Variants in COQ10B observed in about 807,000 individuals in gnomAD.
The protein encoded by COQ10B is coenzyme Q-binding protein COQ10 homolog B, mitochondrial.
COQ10B carries 12 observed loss-of-function variants against 27.6 expected under a neutral mutation model. The observed-to-expected ratio is 0.43, with a 90% CI of 0.28 to 0.70. The LOEUF is 0.70. COQ10B is among the 30% of genes least tolerant of loss of function. The probability of loss-of-function intolerance (pLI) is 0.17; values close to 1 mark genes in which losing one functional copy is unlikely to be tolerated. For synonymous variants in COQ10B, 115 were observed against 103.0 expected, an observed-to-expected ratio of 1.12 and a Z score of -0.71; for missense variants, 278 against 288.7, an observed-to-expected ratio of 0.96 and a Z score of 0.27.
intron 3 of COQ10B, 33 bp downstream of exon 3, chr2:197,462,764 T>G: frequency 8.0e-7 from 1 of 1,253,974 alleles, no homozygotes; most frequent in Non-Finnish European, 1.1e-6. Context: ...TTTTTAAATA[T>G]TCTTCCATAT....
At chr2:197,468,482 A>G (rs976690858) in intron 3 of COQ10B, among the ~76,000 whole-genome samples, 4 of 151,432 alleles carry the variant, frequency 2.6e-5, no homozygotes, top group African/African-American at 7.3e-5. Context: ...GGAAGGTGCT[A>G]TGTTACAGTG....
chr2:197,464,072 C>T (rs1443279200), intron 3 of COQ10B, among the ~76,000 whole-genome samples: 4 of 132,828 alleles, frequency 3.0e-5, no homozygotes, highest in African/African-American at 1.1e-4. Flanking sequence ...TATATACACA[C>T]ACACACACAT....
Position 197,473,935 on chromosome 2 carries a change from G to A in COQ10B, c.*11G>A. On this transcript the variant is annotated 3_prime_UTR_variant, in exon 5 of 5. Coordinates refer to ENST00000263960, the MANE Select transcript of COQ10B (RefSeq NM_025147.5). ...GTCCATCACACATAAAGGCAAAAAAGAACTGGTGCCACCTGCTTCTGACTT... is the reference window on the plus strand; with the variant it reads ...GTCCATCACACATAAAGGCAAAAAAAAACTGGTGCCACCTGCTTCTGACTT... The A allele has an allele frequency of 6.8e-7, 1 of 1,464,398 alleles. No homozygotes were observed. The highest frequency in any genetic ancestry group is 2.5e-5 in the East Asian group (1 of 40,128). The allele number at this position is 1,464,398 out of a possible 1,614,324, so 90.7% of individuals were successfully genotyped here. A position where few individuals can be genotyped will look rare whatever the true frequency, so the allele number is the denominator to read the frequency against.
At chr2:197,471,708 G>A (rs534852523) in intron 4 of COQ10B, among the ~76,000 whole-genome samples, 81 of 152,124 alleles carry the variant, frequency 5.3e-4, no homozygotes, top group Admixed American at 5.0e-3. Context: ...TTGGGAGGCC[G>A]AGGCGGGCAG....
chr2:197,460,849 G>A (rs1033130912), intron 2 of COQ10B, among the ~76,000 whole-genome samples: 2 of 152,110 alleles, frequency 1.3e-5, no homozygotes, highest in African/African-American at 2.4e-5. Flanking sequence ...TAAATAAACG[G>A]GTGTGGCCAC....
intron 4 of COQ10B, among the ~76,000 whole-genome samples, chr2:197,472,015 A>G (rs1385104610): frequency 6.6e-6 from 1 of 151,830 alleles, no homozygotes; most frequent in East Asian, 1.9e-4. Context: ...ATTATTATCT[A>G]GTAGTAGTAA....
intron 4 of COQ10B, among the ~76,000 whole-genome samples, chr2:197,473,413 A>ATATATATATAT (rs1272008900): frequency 3.4e-5 from 2 of 58,638 alleles, no homozygotes; most frequent in Non-Finnish European, 6.7e-5. Flanking sequence ...AAAAAAAAAA[A>ATATATATATAT]AAATATATAT....
At chr2:197,459,835 G>A (rs1249944548) in intron 1 of COQ10B, 97 bp from the exon 2 acceptor site, 1 of 840,554 alleles carries the variant, frequency 1.2e-6, no homozygotes, top group Non-Finnish European at 1.8e-6. Context: ...AAGTTGCAAA[G>A]CCTTACAAAG....
chr2:197,474,747 G>T lies in COQ10B; in HGVS notation c.*823G>T, dbSNP rs2085931427. The T allele has an allele frequency of 6.6e-6, 1 of 151,190 alleles. No individual in the cohort carries two copies. Among genetic ancestry groups the T allele is most frequent in the African/African-American group, 2.4e-5 (1 of 41,092 alleles). The allele number at this position is 151,190 out of a possible 1,614,324, so 9.4% of individuals were successfully genotyped here. A position where few individuals can be genotyped will look rare whatever the true frequency, so the allele number is the denominator to read the frequency against. On this transcript the variant is annotated 3_prime_UTR_variant, in exon 5 of 5. Coordinates refer to ENST00000263960, the MANE Select transcript of COQ10B (RefSeq NM_025147.5). Reference sequence around the variant, plus strand: ...TGGGACTTTTGATATTTTAAAAATTGTTCTTATGACTAGTAGATAAATTCA... The same window carrying T: ...TGGGACTTTTGATATTTTAAAAATTTTTCTTATGACTAGTAGATAAATTCA...
At chr2:197,458,755 A>G (rs1408025243) in intron 1 of COQ10B, among the ~76,000 whole-genome samples, 1 of 143,818 alleles carries the variant, frequency 7.0e-6, no homozygotes, top group Non-Finnish European at 1.5e-5. Flanking sequence ...ACTTCGGCTT[A>G]CTGCAACCTC....
chr2:197,454,030 A>T (rs1373663486), intron 1 of COQ10B: 1 of 1,551,080 alleles, frequency 6.4e-7, no homozygotes, highest in East Asian at 2.4e-5. Context: ...TGCTGGCTGT[A>T]TGGGAGTTTG....
At chr2:197,465,009 CCGAGTAGCGGGG>C (rs1190457987) in intron 3 of COQ10B, among the ~76,000 whole-genome samples, 2 of 152,066 alleles carry the variant, frequency 1.3e-5, no homozygotes, top group Non-Finnish European at 2.9e-5. Flanking sequence ...CCTCAGCCTC[CCGAGTAGCGGGG>C]GCTACAGGCT....
intron 4 of COQ10B, 62 bp from the exon 5 acceptor site, chr2:197,473,695 C>CA (rs78531672): frequency 0.067 from 62,262 of 932,184 alleles, 1 homozygote; most frequent in Non-Finnish European, 0.072. Context: ...CCAGGAAAAC[C>CA]AAAAAAAAAA....
intron 2 of COQ10B, among the ~76,000 whole-genome samples, chr2:197,461,559 CTGTGTGTGTG>C (rs60261177): frequency 5.4e-4 from 76 of 139,816 alleles, no homozygotes; most frequent in East Asian, 1.7e-3. Context: ...CTGATTTAGT[CTGTGTGTGTG>C]TGTGTGTGTG....
intron 3 of COQ10B, among the ~76,000 whole-genome samples, chr2:197,464,875 C>A (rs902793963): frequency 3.6e-5 from 5 of 138,556 alleles, no homozygotes; most frequent in Non-Finnish European, 6.3e-5. Context: ...GAACTTAAAT[C>A]TTTTTTTTTT....
At chr2:197,461,431 T>C (rs1376003376) in intron 2 of COQ10B, among the ~76,000 whole-genome samples, 1 of 152,176 alleles carries the variant, frequency 6.6e-6, no homozygotes, top group African/African-American at 2.4e-5. Flanking sequence ...GAATTGTTGC[T>C]CCTGATGGGC....
intron 3 of COQ10B, among the ~76,000 whole-genome samples, chr2:197,468,072 CAT>C (rs1256130599): frequency 6.6e-6 from 1 of 152,110 alleles, no homozygotes; most frequent in Non-Finnish European, 1.5e-5. Flanking sequence ...CGTGTCAAAA[CAT>C]AACAGTAAAA....
chr2:197,455,117 G>C (rs541674282), intron 1 of COQ10B, among the ~76,000 whole-genome samples: 2 of 151,588 alleles, frequency 1.3e-5, no homozygotes, highest in African/African-American at 4.9e-5. Context: ...ATTGTGTAAG[G>C]GTATTTTTTT....
At position 197,474,814 on chromosome 2, in the gene COQ10B, C is replaced by CTTATT. The variant is rs2085932619; in HGVS notation, c.*892_*893insATTTT. ...AGCTCCCAGATAAACAGTGTATTTT[C>CTTATT]TTCTTTTTTTTTTTTTTTTTGGTGA... On this transcript the variant is annotated 3_prime_UTR_variant, in exon 5 of 5. Transcript: ENST00000263960. 7.2e-6 allele frequency: 1 copy of CTTATT among 138,804 alleles called. No individual in the cohort carries two copies. The highest frequency in any genetic ancestry group is 2.1e-4 in the East Asian group (1 of 4,796). 8.6% of individuals were successfully genotyped at this position (138,804 alleles called of 1,614,324 possible). A position where few individuals can be genotyped will look rare whatever the true frequency, so the allele number is the denominator to read the frequency against.
Sources: allele counts gnomAD v4.1 joint callset (sites outside exome capture counted in the v4.1 genomes callset), GRCh38; gene constraint gnomAD v4.1.1; transcripts MANE v1.5; gene names NCBI Gene and HGNC (gene_info 2026-07-23, HGNC 2026-07-21).